TBCK: variants seen among roughly 807,000 people sequenced by gnomAD.
TBCK encodes the protein TBC1 domain containing kinase, also known as TBC domain-containing protein kinase-like protein.
A neutral mutation model predicts 113.4 loss-of-function variants in TBCK; 99 were observed. The ratio of observed to expected loss-of-function variants is 0.87; its 90% confidence interval spans 0.74 to 1.03. The LOEUF is 1.03. Ranked by LOEUF, TBCK falls within the 50% of genes least tolerant of loss-of-function variation. The pLI, the probability that TBCK is intolerant of heterozygous loss-of-function variation, is 0.00. For synonymous variants in TBCK, 369 were observed against 370.8 expected, an observed-to-expected ratio of 1.00 and a Z score of 0.05; for missense variants, 1,045 against 1,061.3, an observed-to-expected ratio of 0.98 and a Z score of 0.21.
At chr4:106,095,716 G>A (rs1304956029) in intron 24 of TBCK, 75 bp from the exon 25 acceptor site, 1 of 1,362,638 alleles carries the variant, frequency 7.3e-7, no homozygotes, top group Non-Finnish European at 1.0e-6. Flanking sequence ...ACAGAGCTAA[G>A]TGACTCCCAG....
At chr4:106,073,758 G>C (rs561565482) in intron 25 of TBCK, among the ~76,000 whole-genome samples, 4 of 152,154 alleles carry the variant, frequency 2.6e-5, no homozygotes, top group African/African-American at 9.7e-5. Flanking sequence ...ATTGAGCTGC[G>C]GTGGGCTCCA....
intron 25 of TBCK, among the ~76,000 whole-genome samples, chr4:106,087,224 C>T (rs1252695705): frequency 6.6e-6 from 1 of 152,204 alleles, no homozygotes; most frequent in Non-Finnish European, 1.5e-5. Context: ...TGATAGGCAA[C>T]TTCAGTAAAG....
chr4:106,072,963 T>C (rs760454511), intron 25 of TBCK, among the ~76,000 whole-genome samples: 5 of 152,186 alleles, frequency 3.3e-5, no homozygotes, highest in Non-Finnish European at 7.3e-5. Flanking sequence ...ACTTAAGGTC[T>C]TCTCTACACT....
intron 25 of TBCK, among the ~76,000 whole-genome samples, chr4:106,047,064 A>G (rs1347282764): frequency 6.6e-6 from 1 of 152,146 alleles, no homozygotes; most frequent in Non-Finnish European, 1.5e-5. Flanking sequence ...TCTTCCAGTA[A>G]TAGTCAAAAC....
chr4:106,118,501 G>A (rs1743831708), intron 23 of TBCK, among the ~76,000 whole-genome samples: 1 of 152,152 alleles, frequency 6.6e-6, no homozygotes, highest in Admixed American at 6.5e-5. Flanking sequence ...GCTTCAGAAA[G>A]ATTAAAGGGT....
intron 25 of TBCK, among the ~76,000 whole-genome samples, chr4:106,087,338 T>G (rs1739631502): frequency 6.6e-6 from 1 of 152,102 alleles, no homozygotes; most frequent in Non-Finnish European, 1.5e-5. Flanking sequence ...TGAAAATCAC[T>G]AAAACAGAAT....
intron 23 of TBCK, among the ~76,000 whole-genome samples, chr4:106,149,404 AAAGT>A (rs1160176610): frequency 2.6e-5 from 4 of 152,178 alleles, no homozygotes; most frequent in African/African-American, 9.7e-5. Flanking sequence ...CTTTTGATTT[AAAGT>A]AAGAGATGTG....
chr4:106,077,220 C>G (rs1226153007), intron 25 of TBCK, among the ~76,000 whole-genome samples: 8 of 152,236 alleles, frequency 5.3e-5, no homozygotes, highest in Non-Finnish European at 1.0e-4. Flanking sequence ...TAAAAACACA[C>G]TTAAGAACAT....
intron 3 of TBCK, among the ~76,000 whole-genome samples, chr4:106,291,133 C>T (rs1265437143): frequency 3.3e-5 from 5 of 152,154 alleles, no homozygotes; most frequent in African/African-American, 4.8e-5. Flanking sequence ...TGTACAGCTG[C>T]ATCTGGTGGC....
rs561477124 is a variant in TBCK, at chr4:106,052,297, G to A, written c.2572-5617C>T. Reference sequence around the variant, plus strand: ...TACCATAGGCACTTGTGACAAGGAAGGAGAAGAACAGGTAATTCCAGCATA... The same window carrying A: ...TACCATAGGCACTTGTGACAAGGAAAGAGAAGAACAGGTAATTCCAGCATA... On this transcript the variant is annotated intron_variant, in intron 25 of 25. Coordinates refer to ENST00000394708, the MANE Select transcript of TBCK (RefSeq NM_001163435.3). Among the ~76,000 whole-genome samples the A allele has an allele frequency of 2.6e-3, 394 of 151,874 alleles. 1 individual carries two copies. The highest frequency in any genetic ancestry group is 9.0e-3 in the African/African-American group (372 of 41,478).
upstream of TBCK, chr4:106,316,546 A>G (rs1768903449): frequency 2.6e-6 from 4 of 1,551,562 alleles, no homozygotes; most frequent in South Asian, 1.2e-5. Context: ...GGCTGGACCT[A>G]CATGCTTCCT....
chr4:106,313,973 T>C (rs1175239030), intron 1 of TBCK, among the ~76,000 whole-genome samples: 4 of 152,206 alleles, frequency 2.6e-5, no homozygotes, highest in Admixed American at 2.0e-4. Flanking sequence ...CTCCTTAGTA[T>C]GGCACAGGGA....
chr4:106,306,157 A>G (rs1338797237), intron 2 of TBCK, among the ~76,000 whole-genome samples: 1 of 151,226 alleles, frequency 6.6e-6, no homozygotes, highest in Non-Finnish European at 1.5e-5. Context: ...GCAGCCCCAA[A>G]CTCCTTGTCA....
intron 25 of TBCK, among the ~76,000 whole-genome samples, chr4:106,064,345 G>T (rs1736387240): frequency 6.6e-6 from 1 of 151,658 alleles, no homozygotes; most frequent in African/African-American, 2.4e-5. Context: ...ACTGTCTCTT[G>T]TCTAGGTTTC....
intron 25 of TBCK, among the ~76,000 whole-genome samples, chr4:106,089,477 T>G (rs1038491487): frequency 6.6e-6 from 1 of 152,120 alleles, no homozygotes; most frequent in African/African-American, 2.4e-5. Context: ...TCCTCACATA[T>G]CAGAATACAA....
chr4:106,058,273 G>A (rs544418797), intron 25 of TBCK, among the ~76,000 whole-genome samples: 3 of 151,822 alleles, frequency 2.0e-5, no homozygotes, highest in East Asian at 1.9e-4. Context: ...TGCCTTGTAC[G>A]AGAAAGCCTG....
intron 3 of TBCK, among the ~76,000 whole-genome samples, chr4:106,287,551 A>G (rs945629790): frequency 5.9e-5 from 9 of 152,212 alleles, no homozygotes; most frequent in African/African-American, 2.2e-4. Flanking sequence ...AGGATATTGC[A>G]TTGCAGGAAT....
intron 2 of TBCK, among the ~76,000 whole-genome samples, chr4:106,299,641 A>G (rs1766707502): frequency 6.6e-6 from 1 of 152,212 alleles, no homozygotes; most frequent in East Asian, 1.9e-4. Context: ...AATATTTCCA[A>G]TATGAACCAT....
chr4:106,067,167 C>G (rs1366012362), intron 25 of TBCK, among the ~76,000 whole-genome samples: 1 of 152,112 alleles, frequency 6.6e-6, no homozygotes, highest in Non-Finnish European at 1.5e-5. Flanking sequence ...CTCATCCTTG[C>G]CAACACTTGG....
Sources: allele counts gnomAD v4.1 joint callset (sites outside exome capture counted in the v4.1 genomes callset), GRCh38; gene constraint gnomAD v4.1.1; transcripts MANE v1.5; gene names NCBI Gene and HGNC (gene_info 2026-07-23, HGNC 2026-07-21).